ADAMTS19: variants seen among roughly 807,000 people sequenced by gnomAD.
The protein encoded by ADAMTS19 is ADAM metallopeptidase with thrombospondin type 1 motif 19, also known as A disintegrin and metalloproteinase with thrombospondin motifs 19.
ADAMTS19 carries 93 observed loss-of-function variants against 153.3 expected under a neutral mutation model. The ratio of observed to expected loss-of-function variants is 0.61; its 90% CI spans 0.51 to 0.72. The LOEUF (loss-of-function observed/expected upper bound fraction) is 0.72, where lower values mean the gene tolerates loss of function less well. Ranked by LOEUF, ADAMTS19 falls within the 30% of genes least tolerant of loss-of-function variation. The probability of loss-of-function intolerance (pLI) is 0.00; values close to 1 mark genes in which losing one functional copy is unlikely to be tolerated. For missense variants in ADAMTS19, 1,482 were observed against 1,552.1 expected (o/e 0.95, Z 0.76); for synonymous variants, 600 against 556.6 (o/e 1.08, Z -1.10).
At chr5:129,717,944 G>A (rs974724199) in intron 21 of ADAMTS19, among the ~76,000 whole-genome samples, 1 of 152,154 alleles carries the variant, frequency 6.6e-6, no homozygotes, top group Non-Finnish European at 1.5e-5. Context: ...ATTTGAAAAG[G>A]AAATTTAATG....
Position 129,737,495 on chromosome 5 carries a change from TAA to T in ADAMTS19, c.*280_*281del, listed in dbSNP as rs1757722139. ...AAGGAAAAAAATAGATCATTATACTTAAAACAAGTTTTCGTTGTTTGTTAGGG... is the reference window on the plus strand; with the variant it reads ...AAGGAAAAAAATAGATCATTATACTTAACAAGTTTTCGTTGTTTGTTAGGG... On this transcript the variant is annotated 3_prime_UTR_variant, in exon 23 of 23. Transcript: ENST00000274487. The T allele has an allele frequency of 9.4e-6, 2 of 211,712 alleles. No individual in the cohort carries two copies. Among genetic ancestry groups the T allele is most frequent in the South Asian group, 2.6e-4 (2 of 7,764 alleles). 13.1% of individuals were successfully genotyped at this position (211,712 alleles called of 1,614,324 possible). A position where few individuals can be genotyped will look rare whatever the true frequency, so the allele number is the denominator to read the frequency against.
intron 11 of ADAMTS19, among the ~76,000 whole-genome samples, chr5:129,643,377 A>G (rs1304435675): frequency 6.7e-6 from 1 of 149,346 alleles, no homozygotes; most frequent in South Asian, 2.1e-4. Context: ...CAAAAAAAAA[A>G]AAAAAAAAAG....
At chr5:129,656,240 T>C (rs1436280320) in intron 14 of ADAMTS19, among the ~76,000 whole-genome samples, 1 of 152,204 alleles carries the variant, frequency 6.6e-6, no homozygotes, top group Non-Finnish European at 1.5e-5. Context: ...TTATTTGAAA[T>C]GGATTGTGGC....
chr5:129,627,656 T>C (rs986483584), intron 10 of ADAMTS19, among the ~76,000 whole-genome samples: 18 of 151,924 alleles, frequency 1.2e-4, no homozygotes, highest in African/African-American at 4.3e-4. Context: ...ACCGACACTT[T>C]CCAAAAGACA....
At chr5:129,717,244 T>C (rs563849588) in intron 21 of ADAMTS19, among the ~76,000 whole-genome samples, 3 of 152,184 alleles carry the variant, frequency 2.0e-5, no homozygotes, top group Non-Finnish European at 4.4e-5. Context: ...TTGTACTATA[T>C]GTGTAAGCAA....
At chr5:129,667,792 C>T (rs1168944114) in intron 16 of ADAMTS19, among the ~76,000 whole-genome samples, 1 of 152,112 alleles carries the variant, frequency 6.6e-6, no homozygotes, top group Non-Finnish European at 1.5e-5. Context: ...CCAGGTGTTT[C>T]ATGATAGCAG....
intron 15 of ADAMTS19, among the ~76,000 whole-genome samples, chr5:129,663,766 G>A (rs1037443735): frequency 2.6e-5 from 4 of 152,074 alleles, no homozygotes; most frequent in Non-Finnish European, 5.9e-5. Flanking sequence ...CAAGGTCCTT[G>A]CTATAGAATG....
chr5:129,688,562 A>G (rs935273076), intron 18 of ADAMTS19, among the ~76,000 whole-genome samples: 6 of 152,198 alleles, frequency 3.9e-5, no homozygotes, highest in East Asian at 1.9e-4. Context: ...GTCAGTTATT[A>G]TAAGATATGA....
intron 3 of ADAMTS19, among the ~76,000 whole-genome samples, chr5:129,514,279 A>T (rs1364831210): frequency 1.3e-5 from 2 of 152,094 alleles, no homozygotes; most frequent in East Asian, 3.9e-4. Context: ...AGATACACTG[A>T]TTTCCTTTCT....
At chr5:129,716,247 G>T (rs1335909793) in intron 21 of ADAMTS19, among the ~76,000 whole-genome samples, 1 of 151,768 alleles carries the variant, frequency 6.6e-6, no homozygotes, top group African/African-American at 2.4e-5. Flanking sequence ...GCCCAGGCTG[G>T]AGTGCAGTGG....
At chr5:129,582,668 G>T (rs1283381790) in intron 7 of ADAMTS19, among the ~76,000 whole-genome samples, 1 of 151,952 alleles carries the variant, frequency 6.6e-6, no homozygotes, top group Admixed American at 6.6e-5. Flanking sequence ...CGCCTCCCAG[G>T]TTCATGCCAT....
chr5:129,509,464 C>A (rs1751365367), intron 3 of ADAMTS19, among the ~76,000 whole-genome samples: 1 of 151,890 alleles, frequency 6.6e-6, no homozygotes, highest in East Asian at 1.9e-4. Context: ...TAGAGATGAA[C>A]ATATAATATA....
intron 5 of ADAMTS19, among the ~76,000 whole-genome samples, chr5:129,528,180 G>A (rs1174335559): frequency 2.0e-5 from 3 of 151,826 alleles, no homozygotes; most frequent in Non-Finnish European, 4.4e-5. Flanking sequence ...TTGATATGCT[G>A]CTTAACTGGC....
At chr5:129,562,740 A>C (rs893817603) in intron 7 of ADAMTS19, among the ~76,000 whole-genome samples, 2 of 152,148 alleles carry the variant, frequency 1.3e-5, no homozygotes, top group African/African-American at 4.8e-5. Flanking sequence ...TGCTGATTGA[A>C]TAAGTTTCCT....
At chr5:129,593,257 C>G (rs1456633084) in intron 7 of ADAMTS19, among the ~76,000 whole-genome samples, 1 of 152,146 alleles carries the variant, frequency 6.6e-6, no homozygotes, top group East Asian at 1.9e-4. Context: ...TTGATTCTCA[C>G]CCACATTTCT....
intron 8 of ADAMTS19, among the ~76,000 whole-genome samples, chr5:129,615,773 G>A (rs1399992310): frequency 6.6e-6 from 1 of 151,942 alleles, no homozygotes; most frequent in Non-Finnish European, 1.5e-5. Context: ...GAATTGAAAA[G>A]GGGCAGATAA....
chr5:129,653,796 C>T (rs539122940), intron 13 of ADAMTS19, among the ~76,000 whole-genome samples: 2 of 152,152 alleles, frequency 1.3e-5, no homozygotes, highest in East Asian at 3.9e-4. Context: ...TTCTTTCTCC[C>T]TTTAGACATT....
chr5:129,503,049 C>A (rs1751154306), intron 2 of ADAMTS19, among the ~76,000 whole-genome samples: 2 of 152,108 alleles, frequency 1.3e-5, no homozygotes, highest in Non-Finnish European at 2.9e-5. Flanking sequence ...GCAGTATGTG[C>A]AATATGCCAA....
chr5:129,658,974 G>A (rs1753712777), intron 15 of ADAMTS19, among the ~76,000 whole-genome samples: 1 of 152,280 alleles, frequency 6.6e-6, no homozygotes. Context: ...AGTTGGAACA[G>A]CAAGGGAATA....
Sources: allele counts gnomAD v4.1 joint callset (sites outside exome capture counted in the v4.1 genomes callset), GRCh38; gene constraint gnomAD v4.1.1; transcripts MANE v1.5; gene names NCBI Gene and HGNC (gene_info 2026-07-23, HGNC 2026-07-21).